Variants in ROBO1 observed in about 807,000 individuals in gnomAD.
The protein encoded by ROBO1 is roundabout homolog 1.
In ROBO1, 149 loss-of-function variants were observed where a neutral mutation model predicts 195.9. That is an observed-to-expected ratio of 0.76 (90% CI 0.67 to 0.87). ROBO1 has a LOEUF of 0.87. Among genes scored for constraint, ROBO1 ranks in the 40% least tolerant of loss-of-function variants. The pLI, the probability that ROBO1 is intolerant of heterozygous loss-of-function variation, is 0.00. For synonymous variants in ROBO1, 816 were observed against 733.2 expected (o/e 1.11, Z -1.82); for missense variants, 1,933 against 2,068.3 (o/e 0.93, Z 1.27).
chr3:79,651,230 G>A (rs1419604677), intron 1 of ROBO1, among the ~76,000 whole-genome samples: 4 of 151,942 alleles, frequency 2.6e-5, no homozygotes, highest in Admixed American at 2.6e-4. Context: ...GGAATCACAA[G>A]GAGGAGTTTG....
intron 2 of ROBO1, among the ~76,000 whole-genome samples, chr3:79,437,769 G>T (rs570295552): frequency 2.1e-4 from 32 of 151,842 alleles, no homozygotes; most frequent in Middle Eastern, 3.2e-3. Flanking sequence ...ATGAGAGTGG[G>T]GCAGAGGAAA....
intron 1 of ROBO1, among the ~76,000 whole-genome samples, chr3:79,698,357 TA>T (rs1415054521): frequency 6.6e-6 from 1 of 151,428 alleles, no homozygotes; most frequent in Non-Finnish European, 1.5e-5. Context: ...TATTATTGGT[TA>T]AAAAACAATC....
intron 5 of ROBO1, among the ~76,000 whole-genome samples, chr3:78,720,259 G>A (rs1052204484): frequency 6.6e-6 from 1 of 152,168 alleles, no homozygotes; most frequent in African/African-American, 2.4e-5. Context: ...CTTGTGCAAT[G>A]TCACACAACA....
intron 2 of ROBO1, among the ~76,000 whole-genome samples, chr3:79,585,517 C>G (rs1016592901): frequency 6.6e-6 from 1 of 151,866 alleles, no homozygotes; most frequent in Non-Finnish European, 1.5e-5. Flanking sequence ...AAAACCAAAG[C>G]GAAATAAACC....
rs1228056903 is a variant in ROBO1 at position 79,726,059 on chromosome 3, G to C, written c.-51+41693C>G. ...AGAGTCTGGCAGCCATTCTCGGCTG[G>C]GTTCCTCGTCAGAATTTAAGGACAC... is the stretch of plus-strand genomic sequence containing the variant. On this transcript the variant is annotated intron_variant, in intron 1 of 30. Transcript: ENST00000464233. 2.0e-5 allele frequency among the ~76,000 whole-genome samples: 3 copies of C among 152,138 alleles called. No individual in the cohort carries two copies. The East Asian group carries it at 5.8e-4, about 29-fold the overall frequency.
intron 2 of ROBO1, among the ~76,000 whole-genome samples, chr3:79,476,440 G>A (rs552234548): frequency 6.6e-6 from 1 of 151,988 alleles, no homozygotes; most frequent in Non-Finnish European, 1.5e-5. Flanking sequence ...GTCATTATGC[G>A]AAAAAGATAC....
chr3:79,003,583 AATG>A (rs1217460439), intron 3 of ROBO1, among the ~76,000 whole-genome samples: 2 of 152,010 alleles, frequency 1.3e-5, no homozygotes, highest in Non-Finnish European at 2.9e-5. Flanking sequence ...TCTCAATTTT[AATG>A]ATAAGGAAAG....
chr3:79,125,111 GT>G (rs565448200), intron 3 of ROBO1, among the ~76,000 whole-genome samples: 31 of 151,510 alleles, frequency 2.0e-4, no homozygotes, highest in Non-Finnish European at 3.8e-4. Context: ...TGCAGGTAGT[GT>G]TTTTTTCCTT....
At chr3:79,461,381 T>C (rs1375856594) in intron 2 of ROBO1, among the ~76,000 whole-genome samples, 1 of 151,992 alleles carries the variant, frequency 6.6e-6, no homozygotes, top group Non-Finnish European at 1.5e-5. Context: ...AGCTACCACA[T>C]AAAATGACTG....
intron 3 of ROBO1, among the ~76,000 whole-genome samples, chr3:78,971,346 G>T (rs1464690613): frequency 6.6e-6 from 1 of 152,110 alleles, no homozygotes; most frequent in Admixed American, 6.6e-5. Flanking sequence ...CCAAGACTGT[G>T]CCACTGCACT....
At chr3:78,969,267 C>T (rs1220897255) in intron 3 of ROBO1, among the ~76,000 whole-genome samples, 1 of 152,174 alleles carries the variant, frequency 6.6e-6, no homozygotes, top group Non-Finnish European at 1.5e-5. Context: ...CCTATAACTA[C>T]TATCAACATG....
At chr3:79,629,577 AAG>A (rs1236976716) in intron 1 of ROBO1, among the ~76,000 whole-genome samples, 4 of 152,104 alleles carry the variant, frequency 2.6e-5, no homozygotes, top group African/African-American at 9.7e-5. Context: ...GTCACAACCC[AAG>A]GTACTAGATA....
chr3:79,730,774 T>A (rs1259922373), intron 1 of ROBO1, among the ~76,000 whole-genome samples: 1 of 64,084 alleles, frequency 1.6e-5, no homozygotes, highest in African/African-American at 6.4e-5. Context: ...TTTCCTTTTT[T>A]TTTTTTTTTT....
intron 1 of ROBO1, among the ~76,000 whole-genome samples, chr3:79,670,953 T>C (rs1946614850): frequency 6.6e-6 from 1 of 151,828 alleles, no homozygotes; most frequent in Non-Finnish European, 1.5e-5. Flanking sequence ...TGTCTTAGTA[T>C]TGACAGCCAA....
rs913310811 is a variant in ROBO1 at position 79,323,210 on chromosome 3, T to C, written c.89-197671A>G. Reference sequence around the variant, plus strand: ...TATTCTTCTGCCTTAGCCCCCCAAGTAGCTGGGACTACAGGCACATGCCAC... The same window carrying C: ...TATTCTTCTGCCTTAGCCCCCCAAGCAGCTGGGACTACAGGCACATGCCAC... On this transcript the variant is annotated intron_variant, in intron 2 of 30. Coordinates refer to ENST00000464233, the MANE Select transcript of ROBO1 (RefSeq NM_002941.4). 8.5e-5 allele frequency among the ~76,000 whole-genome samples: 13 copies of C among 152,190 alleles called. No homozygotes were observed. The South Asian group carries it at 2.7e-3, about 31-fold the overall frequency.
intron 1 of ROBO1, among the ~76,000 whole-genome samples, chr3:79,604,301 G>T (rs183994132): frequency 1.6e-4 from 24 of 152,100 alleles, no homozygotes; most frequent in African/African-American, 5.8e-4. Flanking sequence ...CTAAAATTAA[G>T]ATATGATCCT....
intron 2 of ROBO1, among the ~76,000 whole-genome samples, chr3:79,429,183 G>A (rs2038572159): frequency 6.6e-6 from 1 of 152,132 alleles, no homozygotes; most frequent in Non-Finnish European, 1.5e-5. Context: ...GGAGGAATAT[G>A]TGAAAATACG....
chr3:78,860,085 A>C (rs1228373090), intron 4 of ROBO1, among the ~76,000 whole-genome samples: 1 of 151,554 alleles, frequency 6.6e-6, no homozygotes, highest in Non-Finnish European at 1.5e-5. Context: ...TCTCAAAAAA[A>C]AAAAAAAGAC....
chr3:79,039,801 C>CAAAA (rs1214691931), intron 3 of ROBO1, among the ~76,000 whole-genome samples: 3 of 51,320 alleles, frequency 5.8e-5, no homozygotes, highest in South Asian at 1.2e-3. Context: ...GACTCCGTCT[C>CAAAA]AAAAAAAAAA....
Sources: gnomAD v4.1 joint callset for allele counts (sites outside exome capture counted in the v4.1 genomes callset) on GRCh38, gnomAD v4.1.1 for gene constraint, MANE v1.5 for transcripts, NCBI Gene and HGNC (gene_info 2026-07-23, HGNC 2026-07-21) for gene names.